Variants in ST6GALNAC3 observed in about 807,000 individuals in gnomAD.
ST6GALNAC3 encodes the protein alpha-N-acetylgalactosaminide alpha-2,6-sialyltransferase 3.
In ST6GALNAC3, 25 loss-of-function variants were observed where a neutral mutation model predicts 32.7. The observed-to-expected ratio is 0.76, with a 90% confidence interval of 0.56 to 1.07. ST6GALNAC3 has a LOEUF of 1.07. ST6GALNAC3 is among the 50% of genes least tolerant of loss of function. The pLI, the probability that ST6GALNAC3 is intolerant of heterozygous loss-of-function variation, is 0.00. For missense variants in ST6GALNAC3, 355 were observed against 382.4 expected, an observed-to-expected ratio of 0.93 and a Z score of 0.60; for synonymous variants, 129 against 133.1, an observed-to-expected ratio of 0.97 and a Z score of 0.21.
In ST6GALNAC3 at chr1:76,503,493, G is replaced by A. The variant is rs547265029; in HGVS notation, c.623+91076G>A. Among the ~76,000 whole-genome samples, 6 of 152,314 alleles carry A rather than the reference G, an allele frequency of 3.9e-5. No homozygotes were observed. The South Asian group carries it at 1.2e-3, about 32-fold the overall frequency. ...GCTGAGGTGTTACTGACTGGTAATAGCAAAATCTGTTCCTGTCTTGCAGGA... is the reference window on the plus strand; with the variant it reads ...GCTGAGGTGTTACTGACTGGTAATAACAAAATCTGTTCCTGTCTTGCAGGA... On this transcript the variant is annotated intron_variant, in intron 3 of 4. Transcript: ENST00000328299.
At chr1:76,485,194 G>A (rs952780791) in intron 3 of ST6GALNAC3, among the ~76,000 whole-genome samples, 4 of 152,032 alleles carry the variant, frequency 2.6e-5, no homozygotes, top group Non-Finnish European at 4.4e-5. Flanking sequence ...TTTTTTTGTT[G>A]TGTGTCTACC....
chr1:76,074,999 T>C (rs1054521431), intron 1 of ST6GALNAC3, 115 bp downstream of exon 1: 31 of 1,373,598 alleles, frequency 2.3e-5, no homozygotes, highest in Non-Finnish European at 2.8e-5. Context: ...TTTCCTGGCA[T>C]TGATTTTCTT....
intron 3 of ST6GALNAC3, among the ~76,000 whole-genome samples, chr1:76,558,735 G>A (rs566288099): frequency 2.6e-4 from 40 of 152,172 alleles, no homozygotes; most frequent in African/African-American, 3.9e-4. Context: ...ACATGTACCC[G>A]TAAACCTAAA....
intron 3 of ST6GALNAC3, among the ~76,000 whole-genome samples, chr1:76,428,679 G>GA (rs1655554583): frequency 6.6e-6 from 1 of 152,090 alleles, no homozygotes; most frequent in South Asian, 2.1e-4. Context: ...TGGGAAAATT[G>GA]AAAATATGCA....
intron 1 of ST6GALNAC3, among the ~76,000 whole-genome samples, chr1:76,239,399 TA>T (rs146522194): frequency 0.22 from 33,513 of 151,342 alleles, 4,646 homozygotes; most frequent in African/African-American, 0.4. Flanking sequence ...TTATTTATAA[TA>T]AAAAAAAAGT....
intron 3 of ST6GALNAC3, among the ~76,000 whole-genome samples, chr1:76,548,703 A>G (rs143060945): frequency 6.6e-6 from 1 of 152,326 alleles, no homozygotes; most frequent in East Asian, 1.9e-4. Context: ...AAGGAAGGCA[A>G]GGGCCAGGGG....
chr1:76,450,650 A>G (rs1432597223), intron 3 of ST6GALNAC3, among the ~76,000 whole-genome samples: 1 of 152,180 alleles, frequency 6.6e-6, no homozygotes, highest in Non-Finnish European at 1.5e-5. Flanking sequence ...TAGAAGGGTT[A>G]TTCCAATGTT....
intron 2 of ST6GALNAC3, among the ~76,000 whole-genome samples, chr1:76,405,114 A>C (rs1197396546): frequency 1.3e-5 from 2 of 152,124 alleles, no homozygotes; most frequent in Non-Finnish European, 2.9e-5. Context: ...TTGAAGGTAT[A>C]GAATTAGCAG....
At chr1:76,283,062 G>T (rs1331716216) in intron 1 of ST6GALNAC3, among the ~76,000 whole-genome samples, 1 of 151,614 alleles carries the variant, frequency 6.6e-6, no homozygotes, top group African/African-American at 2.4e-5. Flanking sequence ...AAAAAAAGTG[G>T]TACTTTCCTC....
At chr1:76,332,233 G>A (rs747577793) in intron 2 of ST6GALNAC3, among the ~76,000 whole-genome samples, 22 of 152,136 alleles carry the variant, frequency 1.4e-4, no homozygotes, top group African/African-American at 4.6e-4. Context: ...CTGCTAGAAT[G>A]TTCTTCTGGG....
At chr1:76,575,567 G>C (rs928150018) in intron 3 of ST6GALNAC3, among the ~76,000 whole-genome samples, 1 of 152,072 alleles carries the variant, frequency 6.6e-6, no homozygotes, top group South Asian at 2.1e-4. Flanking sequence ...AGTAGTGAGC[G>C]CATTAAGATT....
chr1:76,280,155 C>T (rs1345347662), intron 1 of ST6GALNAC3, among the ~76,000 whole-genome samples: 1 of 152,092 alleles, frequency 6.6e-6, no homozygotes, highest in Admixed American at 6.6e-5. Context: ...CTCTTCCAGT[C>T]GCCCTTTTTT....
intron 3 of ST6GALNAC3, among the ~76,000 whole-genome samples, chr1:76,430,850 G>A (rs1655703425): frequency 1.3e-5 from 2 of 152,104 alleles, no homozygotes; most frequent in African/African-American, 4.8e-5. Flanking sequence ...CTTGAAGATA[G>A]TACTAAAAAG....
At chr1:76,154,248 G>A (rs914067557) in intron 1 of ST6GALNAC3, among the ~76,000 whole-genome samples, 1 of 152,060 alleles carries the variant, frequency 6.6e-6, no homozygotes, top group Non-Finnish European at 1.5e-5. Context: ...CGTAGCCGGT[G>A]GTGCATTGGC....
intron 1 of ST6GALNAC3, among the ~76,000 whole-genome samples, chr1:76,085,381 G>T (rs1646951074): frequency 1.3e-5 from 2 of 152,164 alleles, no homozygotes; most frequent in African/African-American, 2.4e-5. Flanking sequence ...AGAGCAGTGT[G>T]GTTCTTTCAT....
intron 1 of ST6GALNAC3, among the ~76,000 whole-genome samples, chr1:76,177,974 ATT>A (rs1446154459): frequency 6.6e-6 from 1 of 152,232 alleles, no homozygotes; most frequent in Non-Finnish European, 1.5e-5. Flanking sequence ...AAAATGACGG[ATT>A]TTGCAGAGAA....
intron 1 of ST6GALNAC3, among the ~76,000 whole-genome samples, chr1:76,183,860 ATATATATATATATG>A (rs922558950): frequency 1.4e-5 from 2 of 145,688 alleles, no homozygotes; most frequent in African/African-American, 5.1e-5. Context: ...GAATATATAT[ATATATATATATATG>A]TATGTTACTG....
At chr1:76,096,899 T>G (rs1159956404) in intron 1 of ST6GALNAC3, among the ~76,000 whole-genome samples, 1 of 151,346 alleles carries the variant, frequency 6.6e-6, no homozygotes, top group Non-Finnish European at 1.5e-5. Flanking sequence ...TTGAATTTCA[T>G]GTAGAGGAAG....
At chr1:76,401,519 C>A (rs576550084) in intron 2 of ST6GALNAC3, among the ~76,000 whole-genome samples, 114 of 152,120 alleles carry the variant, frequency 7.5e-4, no homozygotes, top group Non-Finnish European at 1.4e-3. Flanking sequence ...TGTTGGTTTT[C>A]TTTAATGGTG....
Sources: allele counts gnomAD v4.1 joint callset (sites outside exome capture counted in the v4.1 genomes callset), GRCh38; gene constraint gnomAD v4.1.1; transcripts MANE v1.5; gene names NCBI Gene and HGNC (gene_info 2026-07-23, HGNC 2026-07-21).